Variants in XXYLT1 observed in about 807,000 individuals in gnomAD.
The protein encoded by XXYLT1 is xyloside xylosyltransferase 1.
XXYLT1 carries 20 observed loss-of-function variants against 28.9 expected under a neutral mutation model. That is an observed-to-expected ratio of 0.69 (90% CI 0.49 to 1.00). XXYLT1 has a LOEUF of 1.00. Among genes scored for constraint, XXYLT1 ranks in the 50% least tolerant of loss-of-function variants. The pLI, the probability that XXYLT1 is intolerant of heterozygous loss-of-function variation, is 0.00. For synonymous variants in XXYLT1, 257 were observed against 253.8 expected, an observed-to-expected ratio of 1.01 and a Z score of -0.12; for missense variants, 542 against 560.1, an observed-to-expected ratio of 0.97 and a Z score of 0.33.
At position 195,257,659 on chromosome 3, in the gene XXYLT1, C is replaced by T. The variant is rs191404630; in HGVS notation, c.504+12896G>A. ...GCCCCGTAGCTCTCCCTGTGGCTCC[C>T]GCTCCAGAGTCCTGGCTACTGCTGA... On this transcript the variant is annotated intron_variant, in intron 1 of 3. Transcript: ENST00000310380. The surrounding 1 kb of genome is among the most constrained non-coding windows in gnomAD (Gnocchi z 4.3). Among the ~76,000 whole-genome samples the T allele has an allele frequency of 2.1e-3, 320 of 152,208 alleles. No individual in the cohort carries two copies. The highest frequency in any genetic ancestry group is 7.3e-3 in the African/African-American group (305 of 41,518).
intron 2 of XXYLT1, among the ~76,000 whole-genome samples, chr3:195,213,009 C>A (rs1481025400): frequency 6.6e-6 from 1 of 152,204 alleles, no homozygotes; most frequent in Non-Finnish European, 1.5e-5. Context: ...TCATGATCCA[C>A]GGAAAGTCCT....
chr3:195,268,089 C>T (rs1725897520), intron 1 of XXYLT1, among the ~76,000 whole-genome samples: 1 of 151,908 alleles, frequency 6.6e-6, no homozygotes, highest in African/African-American at 2.4e-5. Flanking sequence ...GAGTTCAAGA[C>T]CAGCCTGGGC....
At chr3:195,142,577 G>C (rs542077832) in intron 3 of XXYLT1, among the ~76,000 whole-genome samples, 1 of 152,214 alleles carries the variant, frequency 6.6e-6, no homozygotes, top group Non-Finnish European at 1.5e-5. Flanking sequence ...TTGTACAGAA[G>C]GAAAAAATAA....
intron 3 of XXYLT1, among the ~76,000 whole-genome samples, chr3:195,117,105 T>C (rs1171557121): frequency 1.4e-5 from 1 of 70,906 alleles, no homozygotes; most frequent in Non-Finnish European, 2.9e-5. Context: ...CCTATATATA[T>C]ATAGTGTATA....
At chr3:195,088,566 A>G (rs1715938366) in intron 3 of XXYLT1, among the ~76,000 whole-genome samples, 2 of 119,082 alleles carry the variant, frequency 1.7e-5, no homozygotes, top group South Asian at 3.4e-4. Flanking sequence ...TAAAACCACA[A>G]AGATGGGGAA....
intron 3 of XXYLT1, among the ~76,000 whole-genome samples, chr3:195,132,390 C>A (rs1006531983): frequency 6.6e-6 from 1 of 151,752 alleles, no homozygotes; most frequent in Non-Finnish European, 1.5e-5. Flanking sequence ...TCACTTGAGC[C>A]TGGGAGGTCA....
At chr3:195,143,843 G>GATATATATAGATATAGATAT (rs1719661395) in intron 3 of XXYLT1, among the ~76,000 whole-genome samples, 1 of 89,408 alleles carries the variant, frequency 1.1e-5, no homozygotes, top group African/African-American at 4.5e-5. Context: ...TATAGATATA[G>GATATATATAGATATAGATAT]ATATATATAT....
chr3:195,220,510 T>C (rs910478639), intron 2 of XXYLT1, among the ~76,000 whole-genome samples: 5 of 152,180 alleles, frequency 3.3e-5, no homozygotes, highest in African/African-American at 9.7e-5. Context: ...TCACGAAGCC[T>C]TGACCTTGGG....
At chr3:195,219,296 C>T (rs1032573928) in intron 2 of XXYLT1, among the ~76,000 whole-genome samples, 3 of 152,054 alleles carry the variant, frequency 2.0e-5, no homozygotes, top group African/African-American at 7.2e-5. Flanking sequence ...GCACATGTAC[C>T]CTAAAACTTA....
intron 1 of XXYLT1, chr3:195,260,101 G>A (rs963675270): frequency 3.1e-5 from 3 of 96,928 alleles, no homozygotes; most frequent in Non-Finnish European, 6.6e-5. Context: ...GGGCGGGCGG[G>A]GCTAGAGGAG....
At chr3:195,112,414 GCA>G (rs1034306002) in intron 3 of XXYLT1, among the ~76,000 whole-genome samples, 69 of 144,418 alleles carry the variant, frequency 4.8e-4, no homozygotes, top group East Asian at 9.7e-4. Flanking sequence ...GCACGTGCGC[GCA>G]CACACACACA....
intron 2 of XXYLT1, among the ~76,000 whole-genome samples, chr3:195,213,566 G>T (rs1236992785): frequency 6.6e-6 from 1 of 152,126 alleles, no homozygotes; most frequent in Non-Finnish European, 1.5e-5. Flanking sequence ...GCCCGGCGAG[G>T]GCAGCATTTC....
intron 2 of XXYLT1, among the ~76,000 whole-genome samples, chr3:195,158,733 C>T (rs1240078135): frequency 1.3e-5 from 2 of 152,244 alleles, no homozygotes; most frequent in Admixed American, 6.5e-5. Context: ...GGCCCCTGTG[C>T]AGCCTGCACT....
At chr3:195,249,137 C>T (rs1725152733) in intron 1 of XXYLT1, among the ~76,000 whole-genome samples, 1 of 152,122 alleles carries the variant, frequency 6.6e-6, no homozygotes, top group Non-Finnish European at 1.5e-5. Context: ...GTGGGTGAGA[C>T]ACTGTTTAAA....
intron 2 of XXYLT1, among the ~76,000 whole-genome samples, chr3:195,159,932 C>T (rs551512295): frequency 3.3e-5 from 5 of 152,250 alleles, no homozygotes; most frequent in African/African-American, 7.2e-5. Flanking sequence ...TCTGTCAAAG[C>T]GCTCTTCTCC....
chr3:195,118,903 G>A (rs1177029654), intron 3 of XXYLT1, among the ~76,000 whole-genome samples: 2 of 152,156 alleles, frequency 1.3e-5, no homozygotes, highest in African/African-American at 2.4e-5. Context: ...AGAGCACTGC[G>A]TTCCTCTGGG....
chr3:195,088,553 A>T (rs1715937046), intron 3 of XXYLT1, among the ~76,000 whole-genome samples: 1 of 123,494 alleles, frequency 8.1e-6, no homozygotes, highest in Non-Finnish European at 1.7e-5. Flanking sequence ...GACCAAAAGT[A>T]GATAAAACCA....
intron 1 of XXYLT1, among the ~76,000 whole-genome samples, chr3:195,242,041 C>T (rs1350742831): frequency 1.3e-5 from 2 of 152,230 alleles, no homozygotes; most frequent in Non-Finnish European, 2.9e-5. Flanking sequence ...GCTGCATATC[C>T]AGCTCTTAGT....
intron 1 of XXYLT1, among the ~76,000 whole-genome samples, chr3:195,230,997 C>T (rs1248633506): frequency 1.3e-5 from 2 of 151,956 alleles, no homozygotes; most frequent in East Asian, 3.8e-4. Context: ...AATATTGGTT[C>T]TTCCAATCCA....
Sources: gnomAD v4.1 joint callset for allele counts (sites outside exome capture counted in the v4.1 genomes callset) on GRCh38, gnomAD v4.1.1 for gene constraint, Gnocchi (gnomAD v3.1) non-coding constraint, MANE v1.5 for transcripts, NCBI Gene and HGNC (gene_info 2026-07-23, HGNC 2026-07-21) for gene names.